PRRX2: variants seen among roughly 807,000 people sequenced by gnomAD.
PRRX2 encodes the protein paired mesoderm homeobox protein 2.
A neutral mutation model predicts 18.0 loss-of-function variants in PRRX2; 11 were observed. The observed-to-expected ratio is 0.61, with a 90% CI of 0.39 to 1.01. The LOEUF (loss-of-function observed/expected upper bound fraction) is 1.01. PRRX2 is among the 50% of genes least tolerant of loss of function. The pLI, the probability that PRRX2 is intolerant of heterozygous loss-of-function variation, is 0.01. For synonymous variants in PRRX2, 177 were observed against 154.8 expected, an observed-to-expected ratio of 1.14 and a Z score of -1.06; for missense variants, 387 against 351.0, an observed-to-expected ratio of 1.10 and a Z score of -0.82.
chr9:129,720,566 G>T (rs779082749), intron 2 of PRRX2, 30 bp from the exon 3 acceptor site: 2 of 1,573,764 alleles, frequency 1.3e-6, no homozygotes, highest in Non-Finnish European at 1.7e-6. Flanking sequence ...CCCTGCCCAT[G>T]CTGCACCCTG....
intron 1 of PRRX2, among the ~76,000 whole-genome samples, chr9:129,676,085 T>C (rs1832160011): frequency 6.6e-6 from 1 of 152,110 alleles, no homozygotes; most frequent in South Asian, 2.1e-4. Flanking sequence ...CTCCCGTTTT[T>C]CCAGGGCTGG....
At chr9:129,710,641 G>A (rs901910963) in intron 1 of PRRX2, among the ~76,000 whole-genome samples, 3 of 152,210 alleles carry the variant, frequency 2.0e-5, no homozygotes, top group African/African-American at 7.2e-5. Context: ...GCTGAAGCAG[G>A]AGAATCGTTT....
At chr9:129,705,583 G>A (rs945702954) in intron 1 of PRRX2, among the ~76,000 whole-genome samples, 2 of 151,896 alleles carry the variant, frequency 1.3e-5, no homozygotes, top group Non-Finnish European at 2.9e-5. Context: ...TTGAACTCCT[G>A]ACCTCTGGTG....
intron 1 of PRRX2, among the ~76,000 whole-genome samples, chr9:129,699,437 A>ATGTGTG (rs1331347283): frequency 4.0e-4 from 56 of 140,454 alleles, no homozygotes; most frequent in African/African-American, 1.6e-3. Context: ...AAAAATATAT[A>ATGTGTG]TATGTGTGTG....
At chr9:129,700,926 C>T (rs1386497296) in intron 1 of PRRX2, among the ~76,000 whole-genome samples, 3 of 152,172 alleles carry the variant, frequency 2.0e-5, no homozygotes, top group Admixed American at 2.0e-4. Flanking sequence ...GCCAGTACGC[C>T]ACCTTTTGTG....
intron 1 of PRRX2, among the ~76,000 whole-genome samples, chr9:129,694,279 C>T (rs1454968882): frequency 1.3e-5 from 2 of 152,166 alleles, no homozygotes; most frequent in African/African-American, 4.8e-5. Context: ...TCTCCTGCCT[C>T]CCTGGATTCA....
At chr9:129,719,451 C>A (rs571309170) in intron 2 of PRRX2, 33 bp downstream of exon 2, 6 of 1,463,700 alleles carry the variant, frequency 4.1e-6, no homozygotes, top group Non-Finnish European at 5.4e-6. Context: ...CCCGTGGGAG[C>A]GTGCGCGTGG....
chr9:129,719,181 T>C (rs1832752653), intron 1 of PRRX2, 50 bp from the exon 2 acceptor site: 1 of 1,469,796 alleles, frequency 6.8e-7, no homozygotes, highest in Non-Finnish European at 9.1e-7. Flanking sequence ...GAACTGTGAC[T>C]GTAGCCACTG....
rs530396570 is a variant in PRRX2 at position 129,719,215 on chromosome 9, C to T, written c.260-16C>T. On this transcript the variant is annotated splice_polypyrimidine_tract_variant and intron_variant, in intron 1 of 3. Coordinates refer to ENST00000372469, the MANE Select transcript of PRRX2 (RefSeq NM_016307.4). Reference sequence around the variant, plus strand: ...TGGCCGTCCTGCTGACCATCCCGCCCCCCCAACCTCCGCAGGTGAGTGTCC... The same window carrying T: ...TGGCCGTCCTGCTGACCATCCCGCCTCCCCAACCTCCGCAGGTGAGTGTCC... 6.4e-7 allele frequency: 1 copy of T among 1,555,792 alleles called. No individual in the cohort carries two copies. The highest frequency in any genetic ancestry group is 8.7e-7 in the Non-Finnish European group (1 of 1,149,678).
chr9:129,699,763 T>C (rs569823847), intron 1 of PRRX2, among the ~76,000 whole-genome samples: 8 of 152,288 alleles, frequency 5.3e-5, no homozygotes, highest in African/African-American at 1.9e-4. Flanking sequence ...CCACGAAGGA[T>C]GAATTCTTTC....
intron 1 of PRRX2, among the ~76,000 whole-genome samples, chr9:129,698,788 A>C (rs1448058470): frequency 6.6e-6 from 1 of 152,188 alleles, no homozygotes; most frequent in African/African-American, 2.4e-5. Context: ...GCTCAAAGTC[A>C]CAGAGCTGGG....
intron 1 of PRRX2, 113 bp from the exon 2 acceptor site, chr9:129,719,118 C>T: frequency 9.9e-7 from 1 of 1,009,292 alleles, no homozygotes; most frequent in Non-Finnish European, 1.4e-6. Context: ...TAAAGGGACG[C>T]ATTCCTGGCG....
At chr9:129,717,899 C>T (rs987090614) in intron 1 of PRRX2, among the ~76,000 whole-genome samples, 1 of 152,076 alleles carries the variant, frequency 6.6e-6, no homozygotes, top group African/African-American at 2.4e-5. Context: ...GAACCGGCAG[C>T]ATTAGTTGAT....
chr9:129,701,207 G>C (rs1832491548), intron 1 of PRRX2, among the ~76,000 whole-genome samples: 1 of 152,256 alleles, frequency 6.6e-6, no homozygotes, highest in Non-Finnish European at 1.5e-5. Context: ...ATAGGAAACA[G>C]AGCAGAGGGT....
At chr9:129,708,122 A>G (rs942238926) in intron 1 of PRRX2, among the ~76,000 whole-genome samples, 3 of 151,348 alleles carry the variant, frequency 2.0e-5, no homozygotes, top group Admixed American at 6.6e-5. Flanking sequence ...TGCAACCTCC[A>G]CCTCCCAGGT....
chr9:129,665,743 T>C lies in PRRX2; in HGVS notation c.-125T>C. On this transcript the variant is annotated 5_prime_UTR_variant, in exon 1 of 4. Transcript: ENST00000372469. The surrounding 1 kb of genome is among the most constrained non-coding windows in gnomAD (Gnocchi z 5.3). ...GTCAGCGCCGGGCGGGCCGCGAGGC[T>C]AGGAGGCGGCGGGAGCTGGGCAGAG... 1.4e-6 allele frequency: 1 copy of C among 702,410 alleles called. No individual in the cohort carries two copies. The highest frequency in any genetic ancestry group is 1.8e-6 in the Non-Finnish European group (1 of 568,546). The allele number at this position is 702,410 out of a possible 1,614,324, so 43.5% of individuals were successfully genotyped here.
At chr9:129,692,422 A>G (rs1656775315) in intron 1 of PRRX2, among the ~76,000 whole-genome samples, 2 of 143,196 alleles carry the variant, frequency 1.4e-5, no homozygotes, top group African/African-American at 5.2e-5. Flanking sequence ...CTCAAAGTCC[A>G]TAGTGTACAT....
chr9:129,674,943 G>A (rs1370316668), intron 1 of PRRX2, among the ~76,000 whole-genome samples: 7 of 152,242 alleles, frequency 4.6e-5, no homozygotes, highest in African/African-American at 7.2e-5. Context: ...GATCGGACTC[G>A]GAGCCTAGGC....
At chr9:129,697,553 C>T (rs1267331942) in intron 1 of PRRX2, among the ~76,000 whole-genome samples, 2 of 151,332 alleles carry the variant, frequency 1.3e-5, no homozygotes. Flanking sequence ...CACTGGCTGG[C>T]GCGCACATGG....
Sources: gnomAD v4.1 joint callset for allele counts (sites outside exome capture counted in the v4.1 genomes callset) on GRCh38, gnomAD v4.1.1 for gene constraint, Gnocchi (gnomAD v3.1) non-coding constraint, MANE v1.5 for transcripts, NCBI Gene and HGNC (gene_info 2026-07-23, HGNC 2026-07-21) for gene names.